Variants in POLRMT observed in about 807,000 individuals in gnomAD.
POLRMT encodes DNA-directed RNA polymerase, mitochondrial.
Under a neutral mutation model 132.2 loss-of-function variants are expected in POLRMT, and 114 were observed. That is an observed-to-expected ratio of 0.86 (90% CI 0.74 to 1.01). The LOEUF is 1.01. Among genes scored for constraint, POLRMT ranks in the 50% least tolerant of loss-of-function variants. The probability of loss-of-function intolerance (pLI) is 0.00; values close to 1 mark genes in which losing one functional copy is unlikely to be tolerated. For missense variants in POLRMT, 2,003 were observed against 1,729.1 expected (o/e 1.16, Z -2.81); for synonymous variants, 1,020 against 773.4 (o/e 1.32, Z -5.29).
intron 1 of POLRMT, 83 bp from the exon 2 acceptor site, chr19:633,021 G>A (rs1985542525): frequency 3.1e-6 from 3 of 970,228 alleles, no homozygotes; most frequent in African/African-American, 1.7e-5. Context: ...AGGGTCGAAG[G>A]GCAAAGGAGC....
rs181002688 is a variant in POLRMT, at chr19:620,075, G to A, written c.2769C>T (p.Gly923=). ...CATAATGCTGCAGGCCGTTGCAAGA[G>A]CCGTCCTGAGGAAGGGGCGGCAAAC... The part of the protein sequence containing the change: ...YVSHLPVHQD[G]SCNGLQHYAA... Residue 923 remains glycine (G), a synonymous_variant, in exon 12 of 21, where the codon GGC becomes GGT. Coordinates refer to ENST00000588649, the MANE Select transcript of POLRMT (RefSeq NM_005035.4). 1.4e-3 allele frequency: 2,121 copies of A among 1,541,382 alleles called. 31 individuals are homozygous for A. In the South Asian group the frequency reaches 0.017, roughly 12 times the overall value.
chr19:622,080 G>T, intron 9 of POLRMT, 69 bp downstream of exon 9: 1 of 1,400,004 alleles, frequency 7.1e-7, no homozygotes, highest in South Asian at 1.4e-5. Flanking sequence ...GCCCAAAGGC[G>T]CCAACCCCAT....
intron 20 of POLRMT, 40 bp downstream of exon 20, chr19:617,379 G>A (rs62132647): frequency 0.085 from 137,792 of 1,612,090 alleles, 6,437 homozygotes; most frequent in Non-Finnish European, 0.096. Context: ...GCCCTGGCCC[G>A]CAGTTCGAGC....
intron 11 of POLRMT, 105 bp from the exon 12 acceptor site, chr19:620,185 C>T (rs1984405181): frequency 1.3e-6 from 2 of 1,487,742 alleles, no homozygotes; most frequent in Non-Finnish European, 1.8e-6. Flanking sequence ...GTGCACCCCC[C>T]AGCCAAGTGC....
intron 10 of POLRMT, among the ~76,000 whole-genome samples, chr19:620,810 G>A (rs1184427957): frequency 8.3e-6 from 1 of 121,148 alleles, no homozygotes; most frequent in Non-Finnish European, 1.8e-5. Flanking sequence ...GGAACGCGGG[G>A]GCCCTGGGGC....
In POLRMT at chr19:617,332, G is replaced by A. The variant is rs767008389; in HGVS notation, c.3644-9C>T. On this transcript the variant is annotated splice_polypyrimidine_tract_variant and intron_variant, in intron 20 of 20. Transcript: ENST00000588649. ...CTCCAGGTCGAAGGCCCCTGCGGAG[G>A]AAGCAGAGCGGACGGCGTGGGTGGC... 3.3e-5 allele frequency: 54 copies of A among 1,612,772 alleles called. No individual in the cohort carries two copies. In the Middle Eastern group the frequency reaches 4.9e-4, roughly 15 times the overall value.
Position 622,563 on chromosome 19 carries a change from G to C in POLRMT, c.1626+19C>G, listed in dbSNP as rs757305098. 3 of 1,585,446 alleles carry C rather than the reference G, an allele frequency of 1.9e-6. No individual in the cohort carries two copies. In the East Asian group the frequency reaches 6.8e-5, roughly 36 times the overall value. On this transcript the variant is annotated intron_variant, in intron 8 of 20. Coordinates refer to ENST00000588649, the MANE Select transcript of POLRMT (RefSeq NM_005035.4). ...CCACCACTGGCCCCAGCCAGGAGGA[G>C]AGGGGGTGCGAGCCTCACCTCGGCG...
chr19:621,958 G>A (rs1984646570), intron 9 of POLRMT, 112 bp from the exon 10 acceptor site: 2 of 1,340,912 alleles, frequency 1.5e-6, no homozygotes, highest in East Asian at 5.0e-5. Context: ...AAACCAGTGT[G>A]GCCTCCCACG....
At chr19:618,450 G>C in intron 17 of POLRMT, 38 bp downstream of exon 17, 1 of 1,493,858 alleles carries the variant, frequency 6.7e-7, no homozygotes, top group East Asian at 2.3e-5. Context: ...GACGCCCCTG[G>C]GAGGCGAGCG....
rs1455553190 is a variant in POLRMT, at chr19:622,143, T to A, written c.1851+6A>T. The A allele has an allele frequency of 6.5e-7, 1 of 1,543,278 alleles. No individual in the cohort carries two copies. The highest frequency in any genetic ancestry group is 1.2e-5 in the South Asian group (1 of 84,880). The stretch of plus-strand genomic sequence containing the variant: ...CCCCCCAGCTCAGGAGGGCACTGCC[T>A]GGCACCTGCTGGACGTTGCGGAAGG... On this transcript the variant is annotated splice_donor_region_variant and intron_variant, in intron 9 of 20. Coordinates refer to ENST00000588649, the MANE Select transcript of POLRMT (RefSeq NM_005035.4).
chr19:630,347 C>T (rs537958388), intron 2 of POLRMT, among the ~76,000 whole-genome samples, 179 bp from the exon 3 acceptor site: 3 of 152,212 alleles, frequency 2.0e-5, no homozygotes, highest in South Asian at 2.1e-4. Context: ...TCCAGACACA[C>T]GCACCCCACC....
In POLRMT at chr19:620,401, G is replaced by C. The variant is rs752503813; in HGVS notation, c.2727C>G (p.Asp909Glu). The C allele has an allele frequency of 1.3e-6, 2 of 1,585,656 alleles. No homozygotes were observed. The highest frequency in any genetic ancestry group is 2.3e-5 in the East Asian group (1 of 43,382). Residue 909 changes from aspartate to glutamate, a missense_variant, in exon 11 of 21, where the codon GAC (aspartate) becomes GAG (glutamate). Physicochemically the swap from Asp to Glu is conservative, Grantham distance 45. Transcript: ENST00000588649. ...MEVANAVRAS[D>E]PAAYVSHLPV... ...GGAGGTGGGAGACATAGGCGGCAGG[G>C]TCGGAGGCGCGCACAGCGTTCGCCA...
intron 5 of POLRMT, 37 bp downstream of exon 5, chr19:624,682 T>A (rs1315812414): frequency 6.3e-7 from 1 of 1,592,440 alleles, no homozygotes; most frequent in African/African-American, 1.3e-5. Context: ...AGGGCAGCTA[T>A]AAGGACTGAA....
chr19:620,170 G>A lies in POLRMT; in HGVS notation c.2764-90C>T, dbSNP rs536744089. ...CACCCCCCAGGTCGAGCCGTTCCTAGGGCCGTGCACCCCCCAGCCAAGTGC... is the reference window on the plus strand; with the variant it reads ...CACCCCCCAGGTCGAGCCGTTCCTAAGGCCGTGCACCCCCCAGCCAAGTGC... On this transcript the variant is annotated intron_variant, in intron 11 of 20. Transcript: ENST00000588649. 418 of 1,505,774 alleles carry A rather than the reference G, an allele frequency of 2.8e-4. 5 individuals carry two copies. The African/African-American group carries it at 4.5e-3, about 16-fold the overall frequency. 93.3% of individuals were successfully genotyped at this position (1,505,774 alleles called of 1,614,324 possible).
intron 2 of POLRMT, among the ~76,000 whole-genome samples, chr19:630,386 C>G (rs1985329660): frequency 6.6e-6 from 1 of 152,200 alleles, no homozygotes; most frequent in Non-Finnish European, 1.5e-5. Flanking sequence ...CCGAGCCTCA[C>G]AGAACTCAGC....
chr19:618,450 G>GGAGGCGAGCGGCGC, intron 17 of POLRMT, 38 bp downstream of exon 17: 4 of 1,493,858 alleles, frequency 2.7e-6, no homozygotes, highest in Non-Finnish European at 3.7e-6. Context: ...GACGCCCCTG[G>GGAGGCGAGCGGCGC]GAGGCGAGCG....
chr19:620,927 GGCGCC>G lies in POLRMT; in HGVS notation c.2640+126_2640+130del. On this transcript the variant is annotated intron_variant, in intron 10 of 20. Transcript: ENST00000588649. ...GAGGGGAGGAGGAAGACGGGCAGGG[GGCGCC>G]AGGGGAGGGGGAGGGGAGGAGGAAG... 2.0e-5 allele frequency: 6 copies of G among 300,090 alleles called. 2 individuals carry two copies. Among genetic ancestry groups the G allele is most frequent in the Non-Finnish European group, 3.3e-5 (6 of 183,540 alleles). 18.6% of individuals were successfully genotyped at this position (300,090 alleles called of 1,614,324 possible).
rs56226067 is a variant in POLRMT, at chr19:622,587, C to A, written c.1621G>T (p.Ala541Ser). 2.8e-4 allele frequency: 441 copies of A among 1,599,624 alleles called. 2 individuals carry two copies. In the East Asian group the frequency reaches 9.7e-3, roughly 35 times the overall value. The change falls in exon 8 of 21, where the codon GCC (alanine) becomes TCC (serine). Residue 541 changes from alanine (A) to serine (S), a missense_variant. Coordinates refer to ENST00000588649, the MANE Select transcript of POLRMT (RefSeq NM_005035.4). The part of the protein sequence containing the change: ...RKYLCLLASD[A>S]EVPEPCLPRQ... ...AGAGGGGGTGCGAGCCTCACCTCGG[C>A]GTCGGAGGCCAGCAAGCAGAGGTAC...
rs113762653 is a variant in POLRMT, at chr19:630,008, G to C, written c.354C>G (p.Pro118=). ...QMGAKDATPV[P]CGRWAKILEK... The stretch of plus-strand genomic sequence containing the variant: ...CCAGTATCTTTGCCCAGCGGCCACA[G>C]GGCACCGGGGTGGCATCCTTGGCCC... The change falls in exon 3 of 21, where the codon CCC becomes CCG. Residue 118 remains proline, a synonymous_variant. Transcript: ENST00000588649. 1 of 1,613,658 alleles carries C rather than the reference G, an allele frequency of 6.2e-7. No homozygotes were observed. The highest frequency in any genetic ancestry group is 8.5e-7 in the Non-Finnish European group (1 of 1,180,032).
Sources: allele counts gnomAD v4.1 joint callset (sites outside exome capture counted in the v4.1 genomes callset), GRCh38; gene constraint gnomAD v4.1.1; transcripts MANE v1.5; gene names NCBI Gene and HGNC (gene_info 2026-07-23, HGNC 2026-07-21).